CTNS: variants seen among roughly 807,000 people sequenced by gnomAD.
CTNS encodes cystinosin, lysosomal cystine transporter, also known as cystinosin.
Under a neutral mutation model 43.7 loss-of-function variants are expected in CTNS, and 27 were observed. That is an observed-to-expected ratio of 0.62 (90% CI 0.46 to 0.85). The LOEUF is 0.85. Ranked by LOEUF, CTNS falls within the 40% of genes least tolerant of loss-of-function variation. The pLI, the probability that CTNS is intolerant of heterozygous loss-of-function variation, is 0.00. For synonymous variants in CTNS, 187 were observed against 190.6 expected, an observed-to-expected ratio of 0.98 and a Z score of 0.16; for missense variants, 457 against 475.4, an observed-to-expected ratio of 0.96 and a Z score of 0.36.
rs748689576 is a variant in CTNS at position 3,648,859 on chromosome 17, T to G, written c.153T>G (p.Asn51Lys). 1.2e-6 allele frequency: 2 copies of G among 1,613,800 alleles called. No individual in the cohort carries two copies. The highest frequency in any genetic ancestry group is 1.7e-6 in the Non-Finnish European group (2 of 1,179,654). ...TTGTCCTCCACAGGCCACCATTAAA[T>G]GCAACCCTGGTGATCACTTTTGAAA... ...NVSLTLRPPL[N>K]ATLVITFEIT... is the part of the protein sequence containing the mutation. Residue 51 changes from asparagine (N) to lysine (K), a missense_variant, in exon 5 of 12, where the codon AAT becomes AAG. Transcript: ENST00000046640.
At chr17:3,657,547 C>G (rs1462780436) in intron 9 of CTNS, 6 of 244,162 alleles carry the variant, frequency 2.5e-5, no homozygotes, top group South Asian at 5.6e-5. Flanking sequence ...ACATTGGGCC[C>G]GTGTTCAGGG....
chr17:3,647,365 CAG>C, intron 3 of CTNS, 77 bp from the exon 4 acceptor site: 3 of 1,209,434 alleles, frequency 2.5e-6, no homozygotes, highest in Admixed American at 3.4e-5. Flanking sequence ...GTTCAGATGT[CAG>C]GGGTTTCGGC....
rs548659446 is a variant in CTNS, at chr17:3,660,630, C to T, written c.*261C>T. 33 of 1,613,542 alleles carry T rather than the reference C, an allele frequency of 2.0e-5. No individual in the cohort carries two copies. The East Asian group carries it at 2.7e-4, about 13-fold the overall frequency. ...CTTTTCTTTAAGGCTTCAGGCAGCG[C>T]GCACAGGCTCTGGCAGCCGTCTCAG... On this transcript the variant is annotated 3_prime_UTR_variant, in exon 12 of 12. Transcript: ENST00000046640.
intron 5 of CTNS, among the ~76,000 whole-genome samples, chr17:3,654,261 T>C (rs1432859871): frequency 5.3e-5 from 8 of 152,136 alleles, no homozygotes; most frequent in African/African-American, 1.2e-4. Context: ...CAAACTGAGA[T>C]CAGAGCTTGA....
In CTNS at chr17:3,655,354, T is replaced by G; in HGVS notation, c.461+2T>G. On this transcript the variant is annotated splice_donor_variant, in intron 7 of 11. Coordinates refer to ENST00000046640, the MANE Select transcript of CTNS (RefSeq NM_004937.3). LOFTEE classifies it high-confidence loss of function. ...GATCATGAATTGGAGGCGGAAAAGG[T>G]AACCCCCTGGGCCGTATGTGCAGGC... 1.9e-6 allele frequency: 3 copies of G among 1,613,954 alleles called. No homozygotes were observed. The highest frequency in any genetic ancestry group is 2.5e-6 in the Non-Finnish European group (3 of 1,179,982).
Position 3,659,947 on chromosome 17 carries a change from G to A in CTNS, c.942G>A (p.Leu314=). ...TCACCGGGGGCAGCTTCAGCCTCCT[G>A]CAGATGTTCCTCCAGTCCTACAACA... ...LDFTGGSFSL[L]QMFLQSYNND... Residue 314 remains leucine (L), a synonymous_variant, in exon 11 of 12, where the codon CTG becomes CTA. Transcript: ENST00000046640. The A allele has an allele frequency of 6.2e-7, 1 of 1,613,804 alleles. No homozygotes were observed. The highest frequency in any genetic ancestry group is 2.2e-5 in the East Asian group (1 of 44,882).
Position 3,658,032 on chromosome 17 carries a change from G to T in CTNS, c.709G>T (p.Ala237Ser). ...CGGTGGCCAGCGCGTGTCCTGGCCT[G>T]CCATCGGCTTCCTGGTGCTCGCGTG... ...ERGGQRVSWP[A>S]IGFLVLAWLF... The change falls in exon 10 of 12, where the codon GCC becomes TCC. Residue 237 changes from alanine to serine, a missense_variant. Transcript: ENST00000046640. 1 of 1,611,246 alleles carries T rather than the reference G, an allele frequency of 6.2e-7. No homozygotes were observed. The highest frequency in any genetic ancestry group is 8.5e-7 in the Non-Finnish European group (1 of 1,179,970).
At chr17:3,643,191 A>C (rs1043720301) in intron 3 of CTNS, among the ~76,000 whole-genome samples, 1 of 151,730 alleles carries the variant, frequency 6.6e-6, no homozygotes, top group Non-Finnish European at 1.5e-5. Flanking sequence ...GCGGGCGCCT[A>C]TAGTCCCAGC....
chr17:3,636,864 G>T (rs905511391), intron 1 of CTNS, 33 bp downstream of exon 1: 1 of 152,344 alleles, frequency 6.6e-6, no homozygotes, highest in African/African-American at 2.4e-5. Flanking sequence ...CTGTTTCCCA[G>T]GCGGACCCCT....
In CTNS at chr17:3,659,875, C is replaced by T. The variant is rs776842972; in HGVS notation, c.870C>T (p.Tyr290=). ...TGGCCCAGGCCTACATGAACTTTTA[C>T]TACAAAAGCACTGAGGGCTGGAGCA... ...KYFPQAYMNF[Y]YKSTEGWSIG... Residue 290 remains tyrosine (Y), a synonymous_variant, in exon 11 of 12, where the codon TAC becomes TAT. Coordinates refer to ENST00000046640, the MANE Select transcript of CTNS (RefSeq NM_004937.3). 1.7e-5 allele frequency: 28 copies of T among 1,613,766 alleles called. No individual in the cohort carries two copies. Among genetic ancestry groups the T allele is most frequent in the Non-Finnish European group, 2.0e-5 (24 of 1,179,906 alleles).
chr17:3,647,583 C>A, intron 4 of CTNS, 61 bp downstream of exon 4: 1 of 1,434,712 alleles, frequency 7.0e-7, no homozygotes, highest in Non-Finnish European at 9.8e-7. Context: ...TGGGTCAGGG[C>A]TGACCCCTGG....
chr17:3,658,574 G>A (rs1410298306), intron 10 of CTNS, among the ~76,000 whole-genome samples: 3 of 152,242 alleles, frequency 2.0e-5, no homozygotes, highest in Non-Finnish European at 4.4e-5. Flanking sequence ...CGTCCTATGA[G>A]CATAGCCGGT....
Position 3,660,838 on chromosome 17 carries a change from G to A in CTNS, c.*469G>A, listed in dbSNP as rs150501484. 171 of 1,548,962 alleles carry A rather than the reference G, an allele frequency of 1.1e-4. No homozygotes were observed. In the African/African-American group the frequency reaches 1.4e-3, roughly 12 times the overall value. On this transcript the variant is annotated 3_prime_UTR_variant, in exon 12 of 12. Transcript: ENST00000046640. The stretch of plus-strand genomic sequence containing the variant: ...AGTGAACTCAGAGGTGCTGGTGGAC[G>A]GGCTAGGACTTTGGGGTTAGGCCAT...
At chr17:3,648,710 T>C in intron 4 of CTNS, 137 bp from the exon 5 acceptor site, 2 of 761,946 alleles carry the variant, frequency 2.6e-6, no homozygotes, top group South Asian at 1.4e-5. Context: ...TCCACCTGGC[T>C]ACCCATCAGG....
chr17:3,657,832 C>T, intron 9 of CTNS, 173 bp from the exon 10 acceptor site: 1 of 671,100 alleles, frequency 1.5e-6, no homozygotes, highest in Non-Finnish European at 2.6e-6. Flanking sequence ...TTCTGTGGTC[C>T]ACATGTTCCC....
At chr17:3,638,253 T>C (rs982482595) in intron 2 of CTNS, among the ~76,000 whole-genome samples, 1 of 151,804 alleles carries the variant, frequency 6.6e-6, no homozygotes, top group African/African-American at 2.4e-5. Context: ...TTTTTTTAAT[T>C]TGAGACGGAG....
chr17:3,640,652 C>G (rs903316529), intron 3 of CTNS, among the ~76,000 whole-genome samples: 1 of 152,236 alleles, frequency 6.6e-6, no homozygotes, highest in East Asian at 1.9e-4. Flanking sequence ...AATTCCAGAG[C>G]TTTGGGAGGC....
intron 2 of CTNS, 177 bp from the exon 3 acceptor site, chr17:3,640,011 G>A (rs1210004445): frequency 1.7e-6 from 1 of 592,158 alleles, no homozygotes; most frequent in Admixed American, 2.7e-5. Context: ...GTATATCAAA[G>A]AAAGATAAGT....
chr17:3,647,630 C>G, intron 4 of CTNS, 108 bp downstream of exon 4: 1 of 976,578 alleles, frequency 1.0e-6, no homozygotes, highest in Non-Finnish European at 1.6e-6. Context: ...CTATTCTTGC[C>G]TCTTACCTGT....
Sources: allele counts gnomAD v4.1 joint callset (sites outside exome capture counted in the v4.1 genomes callset), GRCh38; gene constraint gnomAD v4.1.1; transcripts MANE v1.5; gene names NCBI Gene and HGNC (gene_info 2026-07-23, HGNC 2026-07-21).